The following SAMD11 variants were observed in gnomAD, a reference collection of about 807,000 sequenced individuals.
SAMD11 encodes sterile alpha motif domain-containing protein 11.
A neutral mutation model predicts 64.4 loss-of-function variants in SAMD11; 77 were observed. The observed-to-expected ratio is 1.20, with a 90% CI of 0.99 to 1.44. The LOEUF is 1.44. Among genes scored for constraint, SAMD11 ranks in the 40% most tolerant of loss-of-function variants. The pLI, the probability that SAMD11 is intolerant of heterozygous loss-of-function variation, is 0.00. For missense variants in SAMD11, 1,402 were observed against 943.3 expected (o/e 1.49, Z -6.37); for synonymous variants, 658 against 421.9 (o/e 1.56, Z -6.86).
At position 937,402 on chromosome 1, in the gene SAMD11, C is replaced by G. The variant is rs56201956; in HGVS notation, c.967+1506C>G. Among the ~76,000 whole-genome samples the G allele has an allele frequency of 4.8e-5, 7 of 145,150 alleles. No individual in the cohort carries two copies. The South Asian group carries it at 6.5e-4, about 14-fold the overall frequency. ...TGCAGGCCCCCTTCCACCTGCCCCCCCCCCCACCCAGTCACCTCCCCCAGG... is the reference window on the plus strand; with the variant it reads ...TGCAGGCCCCCTTCCACCTGCCCCCGCCCCCACCCAGTCACCTCCCCCAGG... On this transcript the variant is annotated intron_variant, in intron 5 of 13. Coordinates refer to ENST00000616016, the MANE Select transcript of SAMD11 (RefSeq NM_001385641.1).
At chr1:943,523 C>T in intron 12 of SAMD11, 146 bp downstream of exon 12, 1 of 872,460 alleles carries the variant, frequency 1.1e-6, no homozygotes. Flanking sequence ...CTGTGCACCC[C>T]ACCTTTTTTT....
intron 3 of SAMD11, 66 bp from the exon 4 acceptor site, chr1:930,973 T>C: frequency 6.6e-7 from 1 of 1,525,716 alleles, no homozygotes; most frequent in Non-Finnish European, 9.1e-7. Flanking sequence ...GCGCACGCCC[T>C]GCTATCCTGA....
At chr1:932,207 G>A (rs1263369430) in intron 4 of SAMD11, among the ~76,000 whole-genome samples, 1 of 152,192 alleles carries the variant, frequency 6.6e-6, no homozygotes, top group East Asian at 1.9e-4. Flanking sequence ...CTTTTACATG[G>A]GACACTACAG....
At position 942,756 on chromosome 1, in the gene SAMD11, C is replaced by G; in HGVS notation, c.1751C>G (p.Pro584Arg). Residue 584 changes from proline to arginine, a missense_variant, in exon 11 of 14, where the codon CCC becomes CGC. Transcript: ENST00000616016. ...CAGGGGCCCCCGGGCTCCGGACCCC[C>G]CACCCCGTCCCGGGACTCTGCCCGG... ...PPQGPPGSGP[P>R]TPSRDSARRA... 4 of 1,518,204 alleles carry G rather than the reference C, an allele frequency of 2.6e-6. No individual in the cohort carries two copies. The highest frequency in any genetic ancestry group is 3.5e-6 in the Non-Finnish European group (4 of 1,136,894). 94.0% of individuals were successfully genotyped at this position (1,518,204 alleles called of 1,614,324 possible).
Position 942,267 on chromosome 1 carries a change from C to T in SAMD11, c.1474+16C>T, listed in dbSNP as rs772711109. 4 of 1,105,912 alleles carry T rather than the reference C, an allele frequency of 3.6e-6. No homozygotes were observed. The highest frequency in any genetic ancestry group is 3.7e-5 in the Admixed American group (1 of 27,356). 68.5% of individuals were successfully genotyped at this position (1,105,912 alleles called of 1,614,324 possible). ...CAGACCCCAGGTGAGGAGGCGGGTG[C>T]GCATCCCCTGGGAGCCCGCGTGGAG... On this transcript the variant is annotated intron_variant, in intron 9 of 13. Coordinates refer to ENST00000616016, the MANE Select transcript of SAMD11 (RefSeq NM_001385641.1).
At position 944,230 on chromosome 1, in the gene SAMD11, C is replaced by T; in HGVS notation, c.*77C>T. On this transcript the variant is annotated 3_prime_UTR_variant, in exon 14 of 14. Coordinates refer to ENST00000616016, the MANE Select transcript of SAMD11 (RefSeq NM_001385641.1). ...AACACAATGGCCCTGCCTCCCACCG[C>T]TTTATTTCTTTCGGTTTCGGATGCA... 1 of 1,458,972 alleles carries T rather than the reference C, an allele frequency of 6.9e-7. No homozygotes were observed. Among genetic ancestry groups the T allele is most frequent in the Non-Finnish European group, 9.0e-7 (1 of 1,106,620 alleles). 90.4% of individuals were successfully genotyped at this position (1,458,972 alleles called of 1,614,324 possible).
chr1:939,731 C>G (rs1315141651), intron 7 of SAMD11, among the ~76,000 whole-genome samples: 1 of 152,154 alleles, frequency 6.6e-6, no homozygotes, highest in Non-Finnish European at 1.5e-5. Flanking sequence ...GCAGCACCCC[C>G]CGAGGAGAGC....
rs1640790477 is a variant in SAMD11, at chr1:924,502, C to T, written c.71C>T (p.Thr24Ile). 2 of 150,034 alleles carry T rather than the reference C, an allele frequency of 1.3e-5. No individual in the cohort carries two copies. Among genetic ancestry groups the T allele is most frequent in the East Asian group, 2.0e-4 (1 of 5,118 alleles). The allele number at this position is 150,034 out of a possible 1,614,324, so 9.3% of individuals were successfully genotyped here. A position where few individuals can be genotyped will look rare whatever the true frequency, so the allele number is the denominator to read the frequency against. Residue 24 changes from threonine (T) to isoleucine (I), a missense_variant, in exon 1 of 14, where the codon ACC becomes ATC. By Grantham distance (89) the Thr-to-Ile change is moderately conservative (BLOSUM62 -1). Coordinates refer to ENST00000616016, the MANE Select transcript of SAMD11 (RefSeq NM_001385641.1). ...LALALATFHP[T>I]LAALPLPPLP... ...CTGGCTCTGGCCACGTTCCACCCGA[C>T]CCTGGCCGCGCTGCCGCTGCCGCCG...
Position 944,070 on chromosome 1 carries a change from G to T in SAMD11, c.2452G>T (p.Ala818Ser). 2.5e-6 allele frequency: 4 copies of T among 1,612,636 alleles called. No homozygotes were observed. Among genetic ancestry groups the T allele is most frequent in the Non-Finnish European group, 3.4e-6 (4 of 1,179,940 alleles). Residue 818 changes from alanine (A) to serine (S), a missense_variant, in exon 14 of 14, where the codon GCC (alanine) becomes TCC (serine). Ala to Ser is a moderately conservative substitution (Grantham distance 99, BLOSUM62 1). Coordinates refer to ENST00000616016, the MANE Select transcript of SAMD11 (RefSeq NM_001385641.1). Reference sequence around the variant, plus strand: ...CCCCTATGGAGGGGGCCACGCCCTTGCCGGTCAAACTTCACCCAAGCAGGA... The same window carrying T: ...CCCCTATGGAGGGGGCCACGCCCTTTCCGGTCAAACTTCACCCAAGCAGGA... ...TSPYGGGHAL[A>S]GQTSPKQENG...
At position 942,624 on chromosome 1, in the gene SAMD11, C is replaced by T; in HGVS notation, c.1619C>T (p.Ala540Val). ...ELESARPQLL[A>V]PETALRPNDG... Reference sequence around the variant, plus strand: ...GAGAGCGCGCGCCCACAGCTGCTGGCGCCCGAGACCGCCCTGCGCCCCAAC... The same window carrying T: ...GAGAGCGCGCGCCCACAGCTGCTGGTGCCCGAGACCGCCCTGCGCCCCAAC... Residue 540 changes from alanine (A) to valine (V), a missense_variant, in exon 11 of 14, where the codon GCG (alanine) becomes GTG (valine). By Grantham distance (64) the Ala-to-Val change is moderately conservative. Coordinates refer to ENST00000616016, the MANE Select transcript of SAMD11 (RefSeq NM_001385641.1). 3 of 1,437,584 alleles carry T rather than the reference C, an allele frequency of 2.1e-6. No homozygotes were observed. Among genetic ancestry groups the T allele is most frequent in the Admixed American group, 2.8e-5 (1 of 35,296 alleles). The allele number at this position is 1,437,584 out of a possible 1,614,324, so 89.1% of individuals were successfully genotyped here.
At chr1:943,526 C>CTTTTTTTTTT (rs56972694) in intron 12 of SAMD11, 149 bp downstream of exon 12, 1 of 451,900 alleles carries the variant, frequency 2.2e-6, no homozygotes, top group African/African-American at 2.9e-5. Context: ...TGCACCCCAC[C>CTTTTTTTTTT]TTTTTTTTTT....
At chr1:932,233 G>C (rs1179100893) in intron 4 of SAMD11, among the ~76,000 whole-genome samples, 1 of 152,170 alleles carries the variant, frequency 6.6e-6, no homozygotes, top group Admixed American at 6.5e-5. Flanking sequence ...ATTTGTCAGC[G>C]AGGCCTGTAG....
intron 2 of SAMD11, among the ~76,000 whole-genome samples, chr1:927,980 C>T (rs568926072): frequency 3.3e-5 from 5 of 152,216 alleles, no homozygotes; most frequent in African/African-American, 1.2e-4. Flanking sequence ...AGCCTGGGCT[C>T]CATTCCCAGC....
chr1:935,811 C>T lies in SAMD11; in HGVS notation c.882C>T (p.His294=), dbSNP rs1157344132. Residue 294 remains histidine, a synonymous_variant, in exon 5 of 14, where the codon CAC becomes CAT. Coordinates refer to ENST00000616016, the MANE Select transcript of SAMD11 (RefSeq NM_001385641.1). Reference sequence around the variant, plus strand: ...TTCCCACCCTCATATCCAGCGTCCACCGCAGCCGCCACCTCGTTATGCCCG... The same window carrying T: ...TTCCCACCCTCATATCCAGCGTCCATCGCAGCCGCCACCTCGTTATGCCCG... ...GNLPTLISSV[H]RSRHLVMPEH... The T allele has an allele frequency of 9.3e-6, 15 of 1,613,486 alleles. No homozygotes were observed. The highest frequency in any genetic ancestry group is 1.3e-5 in the Non-Finnish European group (15 of 1,179,910).
At chr1:935,507 G>T (rs962996240) in intron 4 of SAMD11, among the ~76,000 whole-genome samples, 1 of 152,170 alleles carries the variant, frequency 6.6e-6, no homozygotes, top group Non-Finnish European at 1.5e-5. Context: ...AGGCAGAGCC[G>T]GCTGGCTGCT....
chr1:931,156 C>A, intron 4 of SAMD11, 67 bp downstream of exon 4: 9 of 1,403,826 alleles, frequency 6.4e-6, no homozygotes, highest in Non-Finnish European at 9.0e-6. Flanking sequence ...CACCCCTGAC[C>A]GTGCCCTGCT....
rs1019171101 is a variant in SAMD11, at chr1:924,451, A to T, written c.20A>T (p.Glu7Val). The T allele has an allele frequency of 6.7e-6, 1 of 149,384 alleles. No homozygotes were observed. The highest frequency in any genetic ancestry group is 2.4e-5 in the African/African-American group (1 of 41,056). 9.3% of individuals were successfully genotyped at this position (149,384 alleles called of 1,614,324 possible). The change falls in exon 1 of 14, where the codon GAG (glutamate) becomes GTG (valine). Residue 7 changes from glutamate (E) to valine (V), a missense_variant. Transcript: ENST00000616016. ...GGCGCCATGCCGGCGGTCAAGAAGG[A>T]GTTCCCGGGCCGCGAGGACCTGGCC... is the stretch of plus-strand genomic sequence containing the variant. MPAVKK[E>V]FPGREDLALA...
chr1:934,959 C>CG (rs201400791), intron 4 of SAMD11, among the ~76,000 whole-genome samples: 1 of 145,422 alleles, frequency 6.9e-6, no homozygotes, highest in African/African-American at 2.8e-5. Flanking sequence ...TACAGGTGGG[C>CG]GGGCGGTGCT....
rs762770106 is a variant in SAMD11 at position 930,298 on chromosome 1, G to A, written c.753G>A (p.Lys251=). Residue 251 remains lysine, a synonymous_variant, in exon 3 of 14, where the codon AAG becomes AAA. Transcript: ENST00000616016. ...CCTGTGGGCGGCGGCCAGGCTTGAA[G>A]CAGGAGGATGGTCCGCACATCCGTA... The part of the protein sequence containing the change: ...GPTCGRRPGL[K]QEDGPHIRIM... 2.4e-5 allele frequency: 39 copies of A among 1,608,510 alleles called. No homozygotes were observed. The highest frequency in any genetic ancestry group is 2.5e-5 in the Non-Finnish European group (30 of 1,177,964).
Sources: allele counts gnomAD v4.1 joint callset (sites outside exome capture counted in the v4.1 genomes callset), GRCh38; gene constraint gnomAD v4.1.1; transcripts MANE v1.5; gene names NCBI Gene and HGNC (gene_info 2026-07-23, HGNC 2026-07-21).